PSME4: variants seen among roughly 807,000 people sequenced by gnomAD.
The protein encoded by PSME4 is proteasome activator subunit 4, also known as proteasome activator complex subunit 4.
A neutral mutation model predicts 253.9 loss-of-function variants in PSME4; 89 were observed. The ratio of observed to expected loss-of-function variants is 0.35; its 90% CI spans 0.30 to 0.42. The LOEUF is 0.42. PSME4 is among the 10% of genes least tolerant of loss of function. The pLI, the probability that PSME4 is intolerant of heterozygous loss-of-function variation, is 1.00. For synonymous variants in PSME4, 851 were observed against 759.2 expected, an observed-to-expected ratio of 1.12 and a Z score of -1.99; for missense variants, 2,014 against 2,195.2, an observed-to-expected ratio of 0.92 and a Z score of 1.65.
chr2:53,882,207 A>G (rs1269677114), intron 41 of PSME4, among the ~76,000 whole-genome samples: 1 of 152,186 alleles, frequency 6.6e-6, no homozygotes, highest in Non-Finnish European at 1.5e-5. Context: ...TCTATAAAAA[A>G]TATGTGCAAA....
At chr2:53,961,394 T>C (rs1311418168) in intron 1 of PSME4, among the ~76,000 whole-genome samples, 2 of 151,876 alleles carry the variant, frequency 1.3e-5, no homozygotes, top group African/African-American at 2.4e-5. Context: ...AGGCGCTAGG[T>C]GCAGTGGCTT....
intron 43 of PSME4, among the ~76,000 whole-genome samples, chr2:53,871,608 T>C (rs1032605414): frequency 6.6e-6 from 1 of 152,190 alleles, no homozygotes; most frequent in African/African-American, 2.4e-5. Context: ...GATCTGTGCA[T>C]GTTTTGATGT....
Position 53,897,917 on chromosome 2 carries a change from G to A in PSME4, c.3559C>T (p.Arg1187Trp), listed in dbSNP as rs927898223. ...DDRVLPLRAI[R>W]FFVENLNHDA... The stretch of plus-strand genomic sequence containing the variant: ...TGGTTGAGATTCTCAACAAAAAACC[G>A]TATGGCACGAAGAGGCAACACTCGG... Residue 1187 changes from arginine (R) to tryptophan (W), a missense_variant, in exon 31 of 47, where the codon CGG becomes TGG. Arg to Trp is a moderately radical substitution (Grantham distance 101). Around this residue, in one of 4 missense-constraint regions of PSME4, gnomAD observed 989 missense variants for 1,021.1 expected, o/e 0.97. Coordinates refer to ENST00000404125, the MANE Select transcript of PSME4 (RefSeq NM_014614.3). 25 of 1,613,362 alleles carry A rather than the reference G, an allele frequency of 1.5e-5. No individual in the cohort carries two copies. The highest frequency in any genetic ancestry group is 3.3e-5 in the South Asian group (3 of 91,082).
Position 53,940,948 on chromosome 2 carries a change from T to TATA in PSME4, c.501-951_501-949dup, listed in dbSNP as rs1232215835. Among the ~76,000 whole-genome samples, 34 of 18,500 alleles carry TATA rather than the reference T, an allele frequency of 1.8e-3. 2 individuals carry two copies. Among genetic ancestry groups the TATA allele is most frequent in the African/African-American group, 2.6e-3 (14 of 5,414 alleles). 12.1% of individuals were successfully genotyped at this position (18,500 alleles called of 152,430 possible). A position where few individuals can be genotyped will look rare whatever the true frequency, so the allele number is the denominator to read the frequency against. On this transcript the variant is annotated intron_variant, in intron 3 of 46. Coordinates refer to ENST00000404125, the MANE Select transcript of PSME4 (RefSeq NM_014614.3). ...TATATAATACATATATAAATATATA[T>TATA]ATACATATATATATATATATATATA... is the stretch of plus-strand genomic sequence containing the variant.
intron 3 of PSME4, among the ~76,000 whole-genome samples, chr2:53,947,418 T>C (rs1285179043): frequency 2.0e-5 from 3 of 152,092 alleles, no homozygotes; most frequent in Non-Finnish European, 4.4e-5. Context: ...AAGAAATGAG[T>C]ACACAGGCTG....
intron 20 of PSME4, among the ~76,000 whole-genome samples, chr2:53,915,231 G>A (rs1329821313): frequency 4.0e-5 from 6 of 151,878 alleles, no homozygotes; most frequent in African/African-American, 1.2e-4. Context: ...GCCTGAGCTC[G>A]GGAAATTGAG....
At chr2:53,905,720 C>T (rs186321221) in intron 26 of PSME4, among the ~76,000 whole-genome samples, 11 of 152,234 alleles carry the variant, frequency 7.2e-5, no homozygotes, top group East Asian at 1.9e-4. Flanking sequence ...GTGAGACAAT[C>T]GCTTGAGCTC....
intron 1 of PSME4, among the ~76,000 whole-genome samples, chr2:53,967,080 C>G (rs1157636296): frequency 2.0e-5 from 3 of 152,214 alleles, no homozygotes. Context: ...TGTCCATGAG[C>G]TGTCTGCCAT....
chr2:53,904,873 A>C (rs1680576900), intron 26 of PSME4, among the ~76,000 whole-genome samples: 1 of 151,458 alleles, frequency 6.6e-6, no homozygotes, highest in Admixed American at 6.6e-5. Flanking sequence ...CTGTAGTCCC[A>C]GCTACCGGGG....
In PSME4 at chr2:53,908,534, A is replaced by C. The variant is rs1558672218; in HGVS notation, c.2661T>G (p.Thr887=). The C allele has an allele frequency of 6.2e-7, 1 of 1,608,738 alleles. No homozygotes were observed. Among genetic ancestry groups the C allele is most frequent in the Non-Finnish European group, 8.5e-7 (1 of 1,177,496 alleles). Residue 887 remains threonine (T), a synonymous_variant, in exon 23 of 47, where the codon ACT becomes ACG. Coordinates refer to ENST00000404125, the MANE Select transcript of PSME4 (RefSeq NM_014614.3). ...CCTTTATAATAAGAAACAATGACTT[A>C]GTATCATCTTCTGAATTATCAAGTA... ...NHILDNSEDD[T]KSLFLIIKII...
intron 43 of PSME4, among the ~76,000 whole-genome samples, chr2:53,873,556 T>C (rs1445828795): frequency 6.6e-6 from 1 of 152,206 alleles, no homozygotes; most frequent in Non-Finnish European, 1.5e-5. Context: ...GCCAACATGC[T>C]CTTACATTTG....
intron 41 of PSME4, among the ~76,000 whole-genome samples, chr2:53,880,412 T>C (rs958734391): frequency 8.6e-5 from 13 of 152,000 alleles, no homozygotes; most frequent in African/African-American, 2.9e-4. Context: ...CTGGACAACA[T>C]AGCAAGATAT....
chr2:53,905,174 C>T (rs1010105550), intron 26 of PSME4, among the ~76,000 whole-genome samples: 1 of 151,018 alleles, frequency 6.6e-6, no homozygotes, highest in Non-Finnish European at 1.5e-5. Flanking sequence ...GGACTATAGG[C>T]GCATGCCACC....
intron 37 of PSME4, among the ~76,000 whole-genome samples, chr2:53,889,135 G>A (rs1271581870): frequency 6.6e-6 from 1 of 152,092 alleles, no homozygotes; most frequent in Non-Finnish European, 1.5e-5. Flanking sequence ...AAAGTTCTGC[G>A]ATTAAAGTTG....
intron 20 of PSME4, among the ~76,000 whole-genome samples, chr2:53,915,566 T>G (rs921772810): frequency 6.6e-6 from 1 of 151,916 alleles, no homozygotes; most frequent in East Asian, 1.9e-4. Context: ...CTCTCTATAT[T>G]TTTTTTAAAG....
At chr2:53,880,077 T>C (rs1329097661) in intron 41 of PSME4, among the ~76,000 whole-genome samples, 2 of 152,148 alleles carry the variant, frequency 1.3e-5, no homozygotes, top group Admixed American at 6.5e-5. Context: ...AGGACATCCA[T>C]AGCAAAGTAA....
In PSME4 at chr2:53,928,225, G is replaced by A. The variant is rs779442018; in HGVS notation, c.1395C>T (p.Arg465=). ...ACCATCTGCCTCCTGATACCAAACT[G>A]CGGGCTACTCCAATTACACAACTTA... ...ATLSCVIGVA[R]SLVSGGRWFP... Residue 465 remains arginine (R), a synonymous_variant, in exon 11 of 47, where the codon CGC becomes CGT. Coordinates refer to ENST00000404125, the MANE Select transcript of PSME4 (RefSeq NM_014614.3). 65 of 1,613,982 alleles carry A rather than the reference G, an allele frequency of 4.0e-5. 1 individual carries two copies. In the Middle Eastern group the frequency reaches 8.2e-4, roughly 20 times the overall value.
chr2:53,906,575 T>G, intron 26 of PSME4, 23 bp downstream of exon 26: 1 of 1,516,960 alleles, frequency 6.6e-7, no homozygotes, highest in South Asian at 1.4e-5. Context: ...GGCATGAGAG[T>G]GCAGCGTTTG....
Position 53,893,709 on chromosome 2 carries a change from C to G in PSME4, c.4003G>C (p.Asp1335His). The G allele has an allele frequency of 6.2e-7, 1 of 1,610,512 alleles. No homozygotes were observed. The highest frequency in any genetic ancestry group is 8.5e-7 in the Non-Finnish European group (1 of 1,178,234). ...CAAAAACGTCGTGGATTAAACTTAT[C>G]TTTTCCTTTTCTGTCTTCTAATGAT... ...FLSLEDRKGK[D>H]KFNPRRFCLF... is the part of the protein sequence containing the mutation. Residue 1335 changes from aspartate to histidine, a missense_variant, in exon 35 of 47, where the codon GAT becomes CAT. Asp to His is a moderately conservative substitution (Grantham distance 81). Transcript: ENST00000404125.
Sources: gnomAD v4.1 joint callset for allele counts (sites outside exome capture counted in the v4.1 genomes callset) on GRCh38, gnomAD v4.1.1 for gene constraint, gnomAD v4.1.1 regional missense constraint, MANE v1.5 for transcripts, NCBI Gene and HGNC (gene_info 2026-07-23, HGNC 2026-07-21) for gene names.